The following DOCK7 variants were observed in gnomAD, a reference collection of about 807,000 sequenced individuals.
DOCK7 encodes dedicator of cytokinesis 7, also known as dedicator of cytokinesis protein 7.
In DOCK7, 138 loss-of-function variants were observed where a neutral mutation model predicts 271.0. The ratio of observed to expected loss-of-function variants is 0.51; its 90% CI spans 0.44 to 0.59. The LOEUF is 0.59. Ranked by LOEUF, DOCK7 falls within the 20% of genes least tolerant of loss-of-function variation. DOCK7 has a pLI of 0.00. For missense variants in DOCK7, 2,066 were observed against 2,592.4 expected (o/e 0.80, Z 4.41); for synonymous variants, 823 against 876.1 (o/e 0.94, Z 1.07).
Position 62,589,959 on chromosome 1 carries a change from A to G in DOCK7, c.1683-3335T>C, listed in dbSNP as rs1465495393. Reference sequence around the variant, plus strand: ...TAAGAATGGCATCTTAAGAAATCCCAAGATTCTACGTTCAGACAGAGACAG... The same window carrying G: ...TAAGAATGGCATCTTAAGAAATCCCGAGATTCTACGTTCAGACAGAGACAG... On this transcript the variant is annotated intron_variant, in intron 14 of 49. Transcript: ENST00000635253. 2.0e-5 allele frequency among the ~76,000 whole-genome samples: 3 copies of G among 151,976 alleles called. No homozygotes were observed. The East Asian group carries it at 5.8e-4, about 29-fold the overall frequency.
At chr1:62,479,711 T>C in intron 43 of DOCK7, 1 of 375,542 alleles carries the variant, frequency 2.7e-6, no homozygotes. Context: ...TGAGACAGGG[T>C]CTCACTCCAT....
chr1:62,473,884 C>A, intron 48 of DOCK7, 98 bp downstream of exon 48: 1 of 913,474 alleles, frequency 1.1e-6, no homozygotes, highest in South Asian at 1.9e-5. Flanking sequence ...TGTGCCTAGC[C>A]TATTTTCTCT....
Position 62,656,034 on chromosome 1 carries a change from T to C in DOCK7, c.145-1875A>G, listed in dbSNP as rs76949562. Among the ~76,000 whole-genome samples the C allele has an allele frequency of 7.9e-3, 1,205 of 152,274 alleles. 11 individuals carry two copies. The highest frequency in any genetic ancestry group is 0.051 in the Middle Eastern group (15 of 294). ...TAAGCCTTCTACCTTACCTATCTTA[T>C]TAAGTACAAATTATTCTATGATGTT... On this transcript the variant is annotated intron_variant, in intron 2 of 49. Coordinates refer to ENST00000635253, the MANE Select transcript of DOCK7 (RefSeq NM_001367561.1).
intron 8 of DOCK7, 46 bp from the exon 9 acceptor site, chr1:62,634,968 A>C: frequency 7.2e-7 from 1 of 1,388,688 alleles, no homozygotes; most frequent in East Asian, 2.3e-5. Flanking sequence ...TACATTTTAC[A>C]GTGTCTATTT....
intron 7 of DOCK7, chr1:62,641,133 T>C (rs1557845806): frequency 1.7e-5 from 5 of 297,696 alleles, no homozygotes; most frequent in Non-Finnish European, 2.0e-5. Context: ...CAGGAGTCCA[T>C]GGCTCTTGAG....
chr1:62,601,841 G>GC, intron 14 of DOCK7: 1 of 1,610,094 alleles, frequency 6.2e-7, no homozygotes. Flanking sequence ...ATCAGACCCA[G>GC]CAACTCTCAA....
At chr1:62,544,798 G>A in intron 23 of DOCK7, 149 bp downstream of exon 23, 2 of 563,440 alleles carry the variant, frequency 3.5e-6, no homozygotes, top group South Asian at 5.0e-5. Context: ...CTCATGCATA[G>A]TAGTTGGAAA....
intron 22 of DOCK7, among the ~76,000 whole-genome samples, chr1:62,546,148 G>A (rs914905442): frequency 1.8e-4 from 28 of 152,162 alleles, no homozygotes; most frequent in African/African-American, 5.8e-4. Context: ...ACTCTGTCTA[G>A]ATATTAGTGT....
intron 37 of DOCK7, among the ~76,000 whole-genome samples, chr1:62,499,094 G>A (rs530011786): frequency 1.3e-5 from 2 of 152,112 alleles, no homozygotes; most frequent in African/African-American, 2.4e-5. Context: ...GAGCCACTGC[G>A]TCCAGCCACC....
intron 15 of DOCK7, among the ~76,000 whole-genome samples, chr1:62,585,267 C>T (rs1274614451): frequency 6.6e-6 from 1 of 151,932 alleles, no homozygotes; most frequent in African/African-American, 2.4e-5. Context: ...GTAACTGAGG[C>T]AATAGGGTAG....
chr1:62,668,680 C>T (rs1325554986), intron 1 of DOCK7, among the ~76,000 whole-genome samples: 7 of 152,106 alleles, frequency 4.6e-5, no homozygotes, highest in African/African-American at 1.7e-4. Context: ...ATCGCTTGAG[C>T]CCAGGAATTT....
intron 2 of DOCK7, among the ~76,000 whole-genome samples, chr1:62,657,328 T>G (rs572099792): frequency 6.6e-6 from 1 of 152,258 alleles, no homozygotes; most frequent in South Asian, 2.1e-4. Context: ...GTCCTTCCCC[T>G]CCTTGTGTAC....
At chr1:62,680,861 C>A (rs561225376) in intron 1 of DOCK7, among the ~76,000 whole-genome samples, 2 of 151,854 alleles carry the variant, frequency 1.3e-5, no homozygotes, top group South Asian at 2.1e-4. Flanking sequence ...GTTAGAATGG[C>A]GATCATTAAA....
intron 12 of DOCK7, among the ~76,000 whole-genome samples, chr1:62,621,381 G>T (rs1023194151): frequency 6.6e-6 from 1 of 152,066 alleles, no homozygotes; most frequent in African/African-American, 2.4e-5. Flanking sequence ...AAAATAGCTA[G>T]AGTTTTTCTT....
At chr1:62,657,516 T>C (rs1465404950) in intron 2 of DOCK7, among the ~76,000 whole-genome samples, 1 of 152,234 alleles carries the variant, frequency 6.6e-6, no homozygotes, top group Admixed American at 6.5e-5. Context: ...TCTCTCATCA[T>C]ACTAAGAACG....
At chr1:62,497,732 G>A (rs1301776432) in intron 37 of DOCK7, among the ~76,000 whole-genome samples, 3 of 152,048 alleles carry the variant, frequency 2.0e-5, no homozygotes, top group African/African-American at 4.8e-5. Flanking sequence ...CTAGCACCAC[G>A]GAACTTTTTG....
chr1:62,637,382 C>CTAGGGG, intron 7 of DOCK7, among the ~76,000 whole-genome samples: 1 of 152,180 alleles, frequency 6.6e-6, no homozygotes, highest in Non-Finnish European at 1.5e-5. Flanking sequence ...AACTAAAACT[C>CTAGGGG]TAGAGTAGAG....
intron 20 of DOCK7, among the ~76,000 whole-genome samples, chr1:62,558,400 T>C (rs977099505): frequency 2.6e-5 from 4 of 152,190 alleles, no homozygotes; most frequent in Admixed American, 2.6e-4. Context: ...TTAGCTGAAA[T>C]TTCTTTCAAG....
chr1:62,563,904 A>C (rs1274134128), intron 18 of DOCK7, among the ~76,000 whole-genome samples: 1 of 131,062 alleles, frequency 7.6e-6, no homozygotes, highest in Admixed American at 8.2e-5. Flanking sequence ...AAAAAAAAAA[A>C]GGCAGGCGTT....
Sources: gnomAD v4.1 joint callset for allele counts (sites outside exome capture counted in the v4.1 genomes callset) on GRCh38, gnomAD v4.1.1 for gene constraint, MANE v1.5 for transcripts, NCBI Gene and HGNC (gene_info 2026-07-23, HGNC 2026-07-21) for gene names.